The following INPP4B variants were observed in gnomAD, a reference collection of about 807,000 sequenced individuals.
The protein encoded by INPP4B is inositol polyphosphate 4-phosphatase type II.
Under a neutral mutation model 122.5 loss-of-function variants are expected in INPP4B, and 55 were observed. The ratio of observed to expected loss-of-function variants is 0.45; its 90% CI spans 0.36 to 0.56. The LOEUF (loss-of-function observed/expected upper bound fraction) is 0.56. INPP4B is among the 20% of genes least tolerant of loss of function. The probability of loss-of-function intolerance (pLI) is 0.00; values close to 1 mark genes in which losing one functional copy is unlikely to be tolerated. For missense variants in INPP4B, 1,000 were observed against 1,097.7 expected (o/e 0.91, Z 1.26); for synonymous variants, 403 against 388.7 (o/e 1.04, Z -0.43).
intron 22 of INPP4B, 131 bp from the exon 23 acceptor site, chr4:142,108,321 A>G: frequency 3.1e-6 from 2 of 653,950 alleles, no homozygotes; most frequent in East Asian, 2.8e-5. Context: ...TTTTCAAGCT[A>G]CAATTCACAA....
chr4:142,554,993 G>T (rs1251098602), intron 2 of INPP4B, among the ~76,000 whole-genome samples: 1 of 152,176 alleles, frequency 6.6e-6, no homozygotes, highest in Non-Finnish European at 1.5e-5. Flanking sequence ...CCATGCTGGG[G>T]TCCTAAGGGC....
At chr4:142,046,117 G>A (rs1313553089) in intron 25 of INPP4B, among the ~76,000 whole-genome samples, 1 of 151,980 alleles carries the variant, frequency 6.6e-6, no homozygotes, top group Non-Finnish European at 1.5e-5. Flanking sequence ...TTTGAGAAGG[G>A]CCAAACTACT....
intron 2 of INPP4B, among the ~76,000 whole-genome samples, chr4:142,472,301 A>G (rs1325807449): frequency 6.6e-6 from 1 of 151,448 alleles, no homozygotes; most frequent in Non-Finnish European, 1.5e-5. Flanking sequence ...TAAGCTACAA[A>G]AGTACTGTAA....
At chr4:142,200,313 A>G (rs940582073) in intron 14 of INPP4B, among the ~76,000 whole-genome samples, 18 of 152,080 alleles carry the variant, frequency 1.2e-4, no homozygotes, top group Admixed American at 1.1e-3. Context: ...GAGCCACAAG[A>G]TGCTCCAGAA....
chr4:142,561,110 C>T (rs945586940), intron 2 of INPP4B, among the ~76,000 whole-genome samples: 1 of 151,980 alleles, frequency 6.6e-6, no homozygotes, highest in African/African-American at 2.4e-5. Context: ...TATGTTAGAG[C>T]TAAACTCACT....
chr4:142,475,930 T>G (rs1053957708), intron 2 of INPP4B, among the ~76,000 whole-genome samples: 1 of 152,176 alleles, frequency 6.6e-6, no homozygotes, highest in African/African-American at 2.4e-5. Context: ...TTTGAGGATA[T>G]CATTCACAAA....
intron 2 of INPP4B, among the ~76,000 whole-genome samples, chr4:142,484,585 A>C (rs1820972066): frequency 6.6e-6 from 1 of 152,066 alleles, no homozygotes; most frequent in East Asian, 1.9e-4. Context: ...GAAACAGAAC[A>C]CTTTTACTTA....
chr4:142,254,878 G>A (rs984129037), intron 11 of INPP4B, among the ~76,000 whole-genome samples: 1 of 151,880 alleles, frequency 6.6e-6, no homozygotes, highest in Non-Finnish European at 1.5e-5. Context: ...TCCTCGAGAA[G>A]AGCAACTCCA....
chr4:142,730,135 A>G (rs1765870459), intron 1 of INPP4B, among the ~76,000 whole-genome samples: 1 of 152,130 alleles, frequency 6.6e-6, no homozygotes, highest in Non-Finnish European at 1.5e-5. Context: ...TTTCATCTCC[A>G]GATCTCCCAG....
chr4:142,806,851 G>GA (rs1554013553), intron 1 of INPP4B, among the ~76,000 whole-genome samples: 52 of 148,110 alleles, frequency 3.5e-4, no homozygotes, highest in African/African-American at 1.1e-3. Flanking sequence ...AAGAAAGAAA[G>GA]GAGAAGAAAA....
At chr4:142,054,748 C>T (rs1227415220) in intron 25 of INPP4B, among the ~76,000 whole-genome samples, 1 of 152,078 alleles carries the variant, frequency 6.6e-6, no homozygotes, top group Non-Finnish European at 1.5e-5. Flanking sequence ...TGCTTAAATA[C>T]ATCCACTGAC....
intron 7 of INPP4B, among the ~76,000 whole-genome samples, chr4:142,367,784 C>T (rs766712613): frequency 6.6e-6 from 1 of 152,104 alleles, no homozygotes; most frequent in South Asian, 2.1e-4. Flanking sequence ...TAGAGATCTA[C>T]CTCTGCTATG....
chr4:142,332,413 A>G (rs1242935710), intron 7 of INPP4B, among the ~76,000 whole-genome samples: 2 of 152,234 alleles, frequency 1.3e-5, no homozygotes, highest in South Asian at 4.2e-4. Flanking sequence ...GAAAACAGCA[A>G]TGGGATAGAA....
In INPP4B at chr4:142,074,154, A is replaced by G. The variant is rs1769179283; in HGVS notation, c.2642+7877T>C. Among the ~76,000 whole-genome samples, 3 of 152,084 alleles carry G rather than the reference A, an allele frequency of 2.0e-5. No individual in the cohort carries two copies. The South Asian group carries it at 6.2e-4, about 31-fold the overall frequency. On this transcript the variant is annotated intron_variant, in intron 25 of 25. Transcript: ENST00000262992. ...TTTTTAAAAAAATGCACCACTCCTGAAACAGTGTCTTCTAAATGTAACTTA... is the reference window on the plus strand; with the variant it reads ...TTTTTAAAAAAATGCACCACTCCTGGAACAGTGTCTTCTAAATGTAACTTA...
chr4:142,192,980 G>T, intron 15 of INPP4B, 107 bp downstream of exon 15: 4 of 621,912 alleles, frequency 6.4e-6, no homozygotes, highest in Non-Finnish European at 1.2e-5. Flanking sequence ...AATAGGTTAA[G>T]ATGTCAAGAA....
chr4:142,354,419 A>G (rs1782925502), intron 7 of INPP4B, among the ~76,000 whole-genome samples: 1 of 152,016 alleles, frequency 6.6e-6, no homozygotes, highest in African/African-American at 2.4e-5. Context: ...GCAGAGTGGA[A>G]GATTCTTGTG....
At chr4:142,209,150 G>A in intron 12 of INPP4B, 124 bp from the exon 13 acceptor site, 1 of 543,062 alleles carries the variant, frequency 1.8e-6, no homozygotes, top group Non-Finnish European at 3.0e-6. Flanking sequence ...AAAGTTCTAT[G>A]AGCTTATTAG....
chr4:142,550,150 G>A (rs899825292), intron 2 of INPP4B, among the ~76,000 whole-genome samples: 1 of 152,154 alleles, frequency 6.6e-6, no homozygotes, highest in Non-Finnish European at 1.5e-5. Flanking sequence ...TCAAGTATTA[G>A]AGCCTAGTGC....
At chr4:142,479,934 G>A (rs1005619543) in intron 2 of INPP4B, among the ~76,000 whole-genome samples, 8 of 152,000 alleles carry the variant, frequency 5.3e-5, no homozygotes, top group Non-Finnish European at 7.4e-5. Context: ...ATAACACTGC[G>A]CATGTACCCC....
Sources: gnomAD v4.1 joint callset for allele counts (sites outside exome capture counted in the v4.1 genomes callset) on GRCh38, gnomAD v4.1.1 for gene constraint, MANE v1.5 for transcripts, NCBI Gene and HGNC (gene_info 2026-07-23, HGNC 2026-07-21) for gene names.